The following OTOF variants were observed in gnomAD, a reference collection of about 807,000 sequenced individuals.
OTOF encodes otoferlin.
Under a neutral mutation model 236.8 loss-of-function variants are expected in OTOF, and 218 were observed. The observed-to-expected ratio is 0.92, with a 90% confidence interval of 0.82 to 1.03. The LOEUF is 1.03. OTOF is among the 50% of genes least tolerant of loss of function. The pLI, the probability that OTOF is intolerant of heterozygous loss-of-function variation, is 0.00. For missense variants in OTOF, 2,590 were observed against 2,694.4 expected (o/e 0.96, Z 0.86); for synonymous variants, 1,041 against 1,072.5 (o/e 0.97, Z 0.57).
At chr2:26,538,154 C>A in intron 1 of OTOF, among the ~76,000 whole-genome samples, 1 of 152,206 alleles carries the variant, frequency 6.6e-6, no homozygotes, top group East Asian at 1.9e-4. Flanking sequence ...TGGCTCCGGG[C>A]CCTGCTGCCC....
chr2:26,471,880 C>T (rs954097412), intron 30 of OTOF, among the ~76,000 whole-genome samples: 2 of 149,608 alleles, frequency 1.3e-5, no homozygotes, highest in Non-Finnish European at 3.0e-5. Flanking sequence ...TGCACACAAG[C>T]GCACATGCAC....
Position 26,489,721 on chromosome 2 carries a change from T to A in OTOF, c.917A>T (p.His306Leu). 1.2e-6 allele frequency: 2 copies of A among 1,612,844 alleles called. No individual in the cohort carries two copies. The highest frequency in any genetic ancestry group is 1.7e-6 in the Non-Finnish European group (2 of 1,179,842). The change falls in exon 10 of 47, where the codon CAT becomes CTT. Residue 306 changes from histidine (H) to leucine (L), a missense_variant. This residue lies in a region of OTOF where 1,379 missense variants were observed against 1,341.6 expected (regional missense o/e 1.03). Coordinates refer to ENST00000272371, the MANE Select transcript of OTOF (RefSeq NM_194248.3). Reference protein sequence around the residue: ...YYNEYFVFDFHVSPDVMFDKI... With the variant: ...YYNEYFVFDFLVSPDVMFDKI... The stretch of plus-strand genomic sequence containing the variant: ...GTCAAACATGACATCCGGAGAGACA[T>A]GGAAGTCGAAGACGAAGTACTGGAG...
At chr2:26,523,189 C>G (rs1355111678) in intron 3 of OTOF, among the ~76,000 whole-genome samples, 1 of 152,242 alleles carries the variant, frequency 6.6e-6, no homozygotes, top group Non-Finnish European at 1.5e-5. Flanking sequence ...GCCATGGACC[C>G]TCAGAGGTCC....
In OTOF at chr2:26,461,843, G is replaced by A. The variant is rs985607202; in HGVS notation, c.5386C>T (p.Pro1796Ser). The change falls in exon 43 of 47, where the codon CCC (proline) becomes TCC (serine). Residue 1796 changes from proline to serine, a missense_variant. Pro to Ser is a moderately conservative substitution (Grantham distance 74). Coordinates refer to ENST00000272371, the MANE Select transcript of OTOF (RefSeq NM_194248.3). This position sits in a 1 kb window ranked among gnomAD's most constrained non-coding sequence, Gnocchi z 6.2. ...EGNFNWRYLF[P>S]FDYLAAEEKI... ...TCCTCCGCCGCCAGGTAGTCGAAGG[G>A]GAACAGGTAGCGCCAGTTGAAGTTG... The A allele has an allele frequency of 3.1e-6, 5 of 1,614,094 alleles. No individual in the cohort carries two copies. Among genetic ancestry groups the A allele is most frequent in the Non-Finnish European group, 4.2e-6 (5 of 1,180,036 alleles).
chr2:26,485,154 G>T (rs2148062274), intron 11 of OTOF, among the ~76,000 whole-genome samples: 1 of 152,350 alleles, frequency 6.6e-6, no homozygotes, highest in African/African-American at 2.4e-5. Context: ...TGCTGAACAG[G>T]TGTTGCGGTT....
intron 5 of OTOF, among the ~76,000 whole-genome samples, chr2:26,508,421 G>C (rs756822798): frequency 6.6e-6 from 1 of 152,218 alleles, no homozygotes; most frequent in South Asian, 2.1e-4. Context: ...TAGGTGGGCA[G>C]GATAGGCTGA....
At position 26,465,980 on chromosome 2, in the gene OTOF, T is replaced by C. The variant is rs747875905; in HGVS notation, c.4597A>G (p.Ile1533Val). 1 of 1,614,210 alleles carries C rather than the reference T, an allele frequency of 6.2e-7. No individual in the cohort carries two copies. Among genetic ancestry groups the C allele is most frequent in the South Asian group, 1.1e-5 (1 of 91,086 alleles). ...KTDIRDKENYISKQLNPVFGK... is the reference protein window; with the variant it reads ...KTDIRDKENYVSKQLNPVFGK... ...AAGACAGGGTTGAGCTGCTTGGAGA[T>C]GTAGTTCTCCTTGTCGCGGATGTCA... The change falls in exon 37 of 47, where the codon ATC (isoleucine) becomes GTC (valine). Residue 1533 changes from isoleucine (I) to valine (V), a missense_variant. Physicochemically the swap from Ile to Val is conservative, Grantham distance 29. Around this residue, in one of 2 missense-constraint regions of OTOF, gnomAD observed 1,211 missense variants for 1,352.8 expected, o/e 0.90. Coordinates refer to ENST00000272371, the MANE Select transcript of OTOF (RefSeq NM_194248.3).
At chr2:26,481,397 C>A (rs886529809) in intron 14 of OTOF, among the ~76,000 whole-genome samples, 1 of 152,194 alleles carries the variant, frequency 6.6e-6, no homozygotes, top group Non-Finnish European at 1.5e-5. Context: ...GACCCCTCCC[C>A]TCCTTGCTGA....
chr2:26,556,983 G>A (rs1422158390), intron 1 of OTOF, among the ~76,000 whole-genome samples: 2 of 152,322 alleles, frequency 1.3e-5, no homozygotes, highest in African/African-American at 4.8e-5. Flanking sequence ...GGGTGCTGCA[G>A]AGAAAGCAGT....
chr2:26,524,818 A>T (rs1437809611), intron 3 of OTOF, among the ~76,000 whole-genome samples: 2 of 152,200 alleles, frequency 1.3e-5, no homozygotes, highest in South Asian at 2.1e-4. Context: ...TACCCATGTG[A>T]CCTCAGGTTC....
In OTOF at chr2:26,473,228, C is replaced by T. The variant is rs140023414; in HGVS notation, c.3637G>A (p.Gly1213Ser). 1.2e-5 allele frequency: 20 copies of T among 1,613,190 alleles called. No individual in the cohort carries two copies. In the African/African-American group the frequency reaches 1.3e-4, roughly 11 times the overall value. The change falls in exon 29 of 47, where the codon GGT becomes AGT. Residue 1213 changes from glycine to serine, a missense_variant. By Grantham distance (56) the Gly-to-Ser change is moderately conservative (BLOSUM62 0). Transcript: ENST00000272371. The surrounding 1 kb of genome is among the most constrained non-coding windows in gnomAD (Gnocchi z 7.2). Reference protein sequence around the residue: ...NIRVVDCRAFGRYTLVGSHAV... With the variant: ...NIRVVDCRAFSRYTLVGSHAV... ...TGGGAGCCCACCAGTGTGTAGCGAC[C>T]GAAGGCCCGGCAGTCCACCACACGG...
chr2:26,526,253 G>C (rs1264037113), intron 3 of OTOF, among the ~76,000 whole-genome samples: 1 of 151,860 alleles, frequency 6.6e-6, no homozygotes, highest in Non-Finnish European at 1.5e-5. Flanking sequence ...AGGAAGGATG[G>C]GTGAATGGAT....
chr2:26,516,688 C>T lies in OTOF; in HGVS notation c.328-89G>A, dbSNP rs185829861. On this transcript the variant is annotated intron_variant, in intron 4 of 46. Coordinates refer to ENST00000272371, the MANE Select transcript of OTOF (RefSeq NM_194248.3). ...TGGCTGCTTGGTGGTGTTTACACAGCGCTTCCACACCCTTGCCTCACTGGA... is the reference window on the plus strand; with the variant it reads ...TGGCTGCTTGGTGGTGTTTACACAGTGCTTCCACACCCTTGCCTCACTGGA... 1.4e-4 allele frequency: 187 copies of T among 1,365,010 alleles called. No individual in the cohort carries two copies. In the East Asian group the frequency reaches 3.1e-3, roughly 23 times the overall value. The allele number at this position is 1,365,010 out of a possible 1,614,324, so 84.6% of individuals were successfully genotyped here. A position where few individuals can be genotyped will look rare whatever the true frequency, so the allele number is the denominator to read the frequency against.
In OTOF at chr2:26,516,450, G is replaced by A; in HGVS notation, c.477C>T (p.Ser159=). The stretch of plus-strand genomic sequence containing the variant: ...AGCTCTTCTCTCCTGGGGGCCGGGA[G>A]CTGGGCCGGGAGCCTGGGAGCAGTC... ...TDGLLPGSRP[S]SRPPGEKSFR... The change falls in exon 5 of 47, where the codon AGC becomes AGT. Residue 159 remains serine, a synonymous_variant. Transcript: ENST00000272371. 2 of 1,613,940 alleles carry A rather than the reference G, an allele frequency of 1.2e-6. No homozygotes were observed. The highest frequency in any genetic ancestry group is 1.7e-6 in the Non-Finnish European group (2 of 1,179,964).
intron 8 of OTOF, among the ~76,000 whole-genome samples, chr2:26,499,290 G>C (rs1428080498): frequency 1.3e-5 from 2 of 152,052 alleles, no homozygotes; most frequent in Non-Finnish European, 2.9e-5. Context: ...AAGAGCATGG[G>C]TACGCCGCGG....
intron 1 of OTOF, among the ~76,000 whole-genome samples, chr2:26,543,194 C>T (rs1445921998): frequency 6.6e-6 from 1 of 152,132 alleles, no homozygotes; most frequent in East Asian, 1.9e-4. Context: ...CGATCTGTTC[C>T]TTTTGAAGGC....
At chr2:26,537,177 C>T (rs796759388) in intron 2 of OTOF, among the ~76,000 whole-genome samples, 11 of 152,338 alleles carry the variant, frequency 7.2e-5, no homozygotes, top group African/African-American at 2.2e-4. Context: ...AAAATCCAGA[C>T]TGTCTTCTGT....
Position 26,527,836 on chromosome 2 carries a change from T to G in OTOF, c.223A>C (p.Asn75His). 1.2e-6 allele frequency: 2 copies of G among 1,611,828 alleles called. No homozygotes were observed. Among genetic ancestry groups the G allele is most frequent in the Non-Finnish European group, 1.7e-6 (2 of 1,177,858 alleles). ...QVFNYSKVFS[N>H]KLIGTFRMVL... is the part of the protein sequence containing the mutation. Reference sequence around the variant, plus strand: ...CCTGCCCCATCCCACACTTACTTGTTGCTGAAGACTTTGCTGTAGTTGAAA... The same window carrying G: ...CCTGCCCCATCCCACACTTACTTGTGGCTGAAGACTTTGCTGTAGTTGAAA... The change falls in exon 3 of 47, where the codon AAC (asparagine) becomes CAC (histidine). Residue 75 changes from asparagine to histidine, a missense_variant. Asn to His is a moderately conservative substitution (Grantham distance 68, BLOSUM62 1). Around this residue, in one of 2 missense-constraint regions of OTOF, gnomAD observed 1,379 missense variants for 1,341.6 expected, o/e 1.03. Coordinates refer to ENST00000272371, the MANE Select transcript of OTOF (RefSeq NM_194248.3).
rs1260392219 is a variant in OTOF, at chr2:26,544,125, AT to A, written c.80-6352del. 9.2e-5 allele frequency among the ~76,000 whole-genome samples: 14 copies of A among 152,246 alleles called. 1 individual carries two copies. Among genetic ancestry groups the A allele is most frequent in the South Asian group, 2.1e-4 (1 of 4,818 alleles). ...TTTTAGTAGCATGGAATCAGAAATA[AT>A]TTTTTTCCTCATCTTATATAATATT... is the stretch of plus-strand genomic sequence containing the variant. On this transcript the variant is annotated intron_variant, in intron 1 of 46. Transcript: ENST00000272371.
Sources: gnomAD v4.1 joint callset for allele counts (sites outside exome capture counted in the v4.1 genomes callset) on GRCh38, gnomAD v4.1.1 for gene constraint, gnomAD v4.1.1 regional missense constraint, Gnocchi (gnomAD v3.1) non-coding constraint, MANE v1.5 for transcripts, NCBI Gene and HGNC (gene_info 2026-07-23, HGNC 2026-07-21) for gene names.